TG: variants seen among roughly 807,000 people sequenced by gnomAD.
The protein encoded by TG is thyroglobulin, also known as thyroid hormones.
Under a neutral mutation model 324.7 loss-of-function variants are expected in TG, and 270 were observed. That is an observed-to-expected ratio of 0.83 (90% CI 0.75 to 0.92). The LOEUF is 0.92. Among genes scored for constraint, TG ranks in the 40% least tolerant of loss-of-function variants. The pLI is 0.00. For missense variants in TG, 3,591 were observed against 3,456.4 expected (o/e 1.04, Z -0.98); for synonymous variants, 1,401 against 1,327.0 (o/e 1.06, Z -1.21).
intron 37 of TG, among the ~76,000 whole-genome samples, chr8:133,015,914 C>G (rs1242700008): frequency 6.6e-6 from 1 of 152,200 alleles, no homozygotes; most frequent in Non-Finnish European, 1.5e-5. Flanking sequence ...GCTTCATTTG[C>G]TCTTTTTTTC....
Position 132,869,821 on chromosome 8 carries a change from T to C in TG, c.269T>C (p.Val90Ala). 17 of 1,613,910 alleles carry C rather than the reference T, an allele frequency of 1.1e-5. No homozygotes were observed. The highest frequency in any genetic ancestry group is 1.4e-5 in the Non-Finnish European group (17 of 1,179,984). The change falls in exon 3 of 48, where the codon GTG (valine) becomes GCG (alanine). Residue 90 changes from valine to alanine, a missense_variant. Transcript: ENST00000220616. ...GGCAGCAGGCAGCCAGGACGGCCTG[T>C]GGCTTGTAAGTGGGAGTGGGGGACG... ...VLGSRQPGRP[V>A]ACLSFCQLQK...
At chr8:133,047,756 G>C in intron 41 of TG, 1 of 847,922 alleles carries the variant, frequency 1.2e-6, no homozygotes, top group Admixed American at 1.7e-5. Context: ...AAATGAAGCC[G>C]TGTAATGAGT....
intron 42 of TG, among the ~76,000 whole-genome samples, chr8:133,095,731 A>G (rs917743137): frequency 1.3e-5 from 2 of 152,232 alleles, no homozygotes; most frequent in Non-Finnish European, 2.9e-5. Context: ...TGAAGGGGAC[A>G]TTAGCAGGAA....
In TG at chr8:133,058,507, C is replaced by G. The variant is rs377483114; in HGVS notation, c.7239+28484C>G. Among the ~76,000 whole-genome samples the G allele has an allele frequency of 4.6e-5, 7 of 152,204 alleles. No individual in the cohort carries two copies. The East Asian group carries it at 5.8e-4, about 13-fold the overall frequency. On this transcript the variant is annotated intron_variant, in intron 41 of 47. Transcript: ENST00000220616. ...TGAGGTTCGCTCAAGCATGCTGCCC[C>G]CTCTGCCCCAGGCTGAGAGGTGACG...
At chr8:133,022,235 C>T in intron 40 of TG, 85 bp downstream of exon 40, 3 of 1,572,734 alleles carry the variant, frequency 1.9e-6, no homozygotes, top group South Asian at 2.2e-5. Flanking sequence ...CCTCACTGCC[C>T]CTGCTCCTCC....
In TG at chr8:132,906,797, G is replaced by A. The variant is rs1199535271; in HGVS notation, c.3744G>A (p.Leu1248=). 2 of 1,614,098 alleles carry A rather than the reference G, an allele frequency of 1.2e-6. No homozygotes were observed. The highest frequency in any genetic ancestry group is 2.7e-5 in the African/African-American group (2 of 74,944). Residue 1248 remains leucine (L), a synonymous_variant, in exon 17 of 48, where the codon CTG becomes CTA. Transcript: ENST00000220616. ...CTGCCATGCAGCAGTGCCAATTGCT[G>A]TGCCGCCAGGGCTCCTGGAGCGTGT... ...TGSAMQQCQL[L]CRQGSWSVFP... is the part of the protein sequence containing the mutation.
chr8:133,040,181 A>G lies in TG; in HGVS notation c.7239+10158A>G, dbSNP rs780737229. On this transcript the variant is annotated intron_variant, in intron 41 of 47. Coordinates refer to ENST00000220616, the MANE Select transcript of TG (RefSeq NM_003235.5). ...CAGGGACCCTGGGGACGCCTCAGCC[A>G]GTGTGGGGTTCAGGCCTGAGACACT... The G allele has an allele frequency of 1.2e-5, 19 of 1,552,812 alleles. No homozygotes were observed. The South Asian group carries it at 1.4e-4, about 12-fold the overall frequency.
At chr8:133,052,792 G>A (rs1409049670) in intron 41 of TG, among the ~76,000 whole-genome samples, 1 of 152,224 alleles carries the variant, frequency 6.6e-6, no homozygotes, top group Non-Finnish European at 1.5e-5. Flanking sequence ...TACCAGCAAG[G>A]GGGTCTCAGG....
chr8:132,896,862 A>C (rs78060847), intron 11 of TG, among the ~76,000 whole-genome samples: 206 of 152,260 alleles, frequency 1.4e-3, no homozygotes, highest in Middle Eastern at 3.4e-3. Flanking sequence ...ACTATGTACT[A>C]TGTTGGTGGT....
chr8:133,103,501 TC>T (rs369472577), intron 43 of TG, among the ~76,000 whole-genome samples: 4 of 151,954 alleles, frequency 2.6e-5, no homozygotes, highest in Admixed American at 6.6e-5. Context: ...GACTGACTTG[TC>T]CCCCCCAAAA....
intron 37 of TG, among the ~76,000 whole-genome samples, chr8:133,015,933 CT>C (rs970039147): frequency 2.0e-5 from 3 of 152,110 alleles, no homozygotes; most frequent in Non-Finnish European, 2.9e-5. Context: ...TCCTCTTTCT[CT>C]TTTTTTCTCT....
In TG at chr8:133,029,852, G is replaced by A. The variant is rs769452223; in HGVS notation, c.7068G>A (p.Leu2356=). The part of the protein sequence containing the change: ...GSGEVSGNWG[L]LDQVAALTWV... ...GAGAGGTGAGTGGCAACTGGGGGCT[G>A]CTGGACCAGGTGGCGGCTCTGACCT... Residue 2356 remains leucine, a synonymous_variant, in exon 41 of 48, where the codon CTG becomes CTA. Coordinates refer to ENST00000220616, the MANE Select transcript of TG (RefSeq NM_003235.5). 1.2e-6 allele frequency: 2 copies of A among 1,614,208 alleles called. No homozygotes were observed. Among genetic ancestry groups the A allele is most frequent in the East Asian group, 2.2e-5 (1 of 44,888 alleles).
chr8:132,936,777 A>G (rs1823665384), intron 25 of TG, among the ~76,000 whole-genome samples: 1 of 152,182 alleles, frequency 6.6e-6, no homozygotes, highest in Non-Finnish European at 1.5e-5. Context: ...CATGCCAGCA[A>G]GGCACGCTCT....
chr8:132,991,544 C>T (rs533186014), intron 35 of TG, among the ~76,000 whole-genome samples: 15 of 152,328 alleles, frequency 9.8e-5, no homozygotes, highest in South Asian at 2.1e-4. Context: ...CACGCACACA[C>T]GCACACAAGC....
intron 34 of TG, 72 bp from the exon 35 acceptor site, chr8:132,983,278 T>G: frequency 6.6e-7 from 1 of 1,505,634 alleles, no homozygotes; most frequent in Non-Finnish European, 9.2e-7. Context: ...CTTATACTTA[T>G]ATTAATGCCT....
intron 35 of TG, among the ~76,000 whole-genome samples, chr8:132,990,399 C>T (rs1447736238): frequency 2.6e-5 from 4 of 151,950 alleles, no homozygotes; most frequent in Non-Finnish European, 5.9e-5. Flanking sequence ...GCATATCTAT[C>T]GCCTCAAATG....
At chr8:133,096,676 A>G (rs1319744118) in intron 43 of TG, among the ~76,000 whole-genome samples, 1 of 152,192 alleles carries the variant, frequency 6.6e-6, no homozygotes, top group East Asian at 1.9e-4. Context: ...GGACCATGCC[A>G]CCCATATTTC....
chr8:133,113,425 T>G lies in TG; in HGVS notation c.7576T>G (p.Phe2526Val). The G allele has an allele frequency of 6.2e-7, 1 of 1,613,782 alleles. No individual in the cohort carries two copies. Among genetic ancestry groups the G allele is most frequent in the Non-Finnish European group, 8.5e-7 (1 of 1,179,946 alleles). The change falls in exon 44 of 48, where the codon TTT becomes GTT. Residue 2526 changes from phenylalanine (F) to valine (V), a missense_variant. Phe to Val is a conservative substitution (Grantham distance 50). Transcript: ENST00000220616. ...LINRAKAVKQ[F>V]EESRGRTSSK... The stretch of plus-strand genomic sequence containing the variant: ...TCGTATCTTTTTTTTTTTCTAGCAA[T>G]TTGAGGAAAGTCGAGGCCGGACCAG...
At chr8:133,047,813 A>T in intron 41 of TG, 1 of 1,359,232 alleles carries the variant, frequency 7.4e-7, no homozygotes, top group Non-Finnish European at 1.1e-6. Context: ...GGGAAAGATG[A>T]GTTGGGGGCC....
Sources: gnomAD v4.1 joint callset for allele counts (sites outside exome capture counted in the v4.1 genomes callset) on GRCh38, gnomAD v4.1.1 for gene constraint, MANE v1.5 for transcripts, NCBI Gene and HGNC (gene_info 2026-07-23, HGNC 2026-07-21) for gene names.